The following ADGB variants were observed in gnomAD, a reference collection of about 807,000 sequenced individuals.
The protein encoded by ADGB is androglobin.
A neutral mutation model predicts 210.5 loss-of-function variants in ADGB; 172 were observed. The observed-to-expected ratio is 0.82, with a 90% CI of 0.72 to 0.93. The LOEUF (loss-of-function observed/expected upper bound fraction) is 0.93. ADGB is among the 40% of genes least tolerant of loss of function. The pLI is 0.00. For synonymous variants in ADGB, 658 were observed against 662.7 expected, an observed-to-expected ratio of 0.99 and a Z score of 0.11; for missense variants, 2,025 against 1,964.8, an observed-to-expected ratio of 1.03 and a Z score of -0.58.
At chr6:146,729,751 A>G (rs1776951479) in intron 20 of ADGB, among the ~76,000 whole-genome samples, 2 of 152,124 alleles carry the variant, frequency 1.3e-5, no homozygotes, top group South Asian at 4.1e-4. Flanking sequence ...CCAACATGGG[A>G]TACTTGTTAT....
chr6:146,645,736 G>A lies in ADGB; in HGVS notation c.330+871G>A, dbSNP rs554097191. Among the ~76,000 whole-genome samples the A allele has an allele frequency of 2.0e-5, 3 of 151,994 alleles. No individual in the cohort carries two copies. In the East Asian group the frequency reaches 5.8e-4, roughly 29 times the overall value. ...ATGATATGTCCACCATATTTTTCAA[G>A]TACTCTTACTAGTTGAGTAAATCAG... On this transcript the variant is annotated intron_variant, in intron 3 of 35. Coordinates refer to ENST00000397944, the MANE Select transcript of ADGB (RefSeq NM_024694.4).
At chr6:146,722,846 C>T (rs1459502919) in intron 17 of ADGB, among the ~76,000 whole-genome samples, 1 of 152,170 alleles carries the variant, frequency 6.6e-6, no homozygotes, top group African/African-American at 2.4e-5. Flanking sequence ...AATGGATAGA[C>T]AATCTCTGCT....
chr6:146,797,775 G>C (rs753976707), intron 33 of ADGB, among the ~76,000 whole-genome samples: 1 of 152,076 alleles, frequency 6.6e-6, no homozygotes, highest in Non-Finnish European at 1.5e-5. Flanking sequence ...AGGATAAGAG[G>C]AAGGTGAGGG....
rs946047713 is a variant in ADGB, at chr6:146,726,164, G to T, written c.2319G>T (p.Gly773=). 1.3e-6 allele frequency: 2 copies of T among 1,549,446 alleles called. No homozygotes were observed. Among genetic ancestry groups the T allele is most frequent in the African/African-American group, 1.4e-5 (1 of 72,982 alleles). Residue 773 remains glycine, a synonymous_variant, in exon 19 of 36, where the codon GGG becomes GGT. Transcript: ENST00000397944. ...HICSMVSFVI[G]DEHVVLPNFE... ...GCAGCATGGTGTCATTTGTCATTGG[G>T]GATGAACACGTTGTACTGCCCAACT...
intron 1 of ADGB, among the ~76,000 whole-genome samples, chr6:146,634,180 C>T (rs1178372519): frequency 2.0e-5 from 3 of 152,080 alleles, no homozygotes; most frequent in African/African-American, 7.2e-5. Flanking sequence ...GGTTTATAGC[C>T]TAGGAGCAAT....
chr6:146,753,011 C>T (rs549009160), intron 27 of ADGB, among the ~76,000 whole-genome samples: 12 of 151,720 alleles, frequency 7.9e-5, no homozygotes, highest in East Asian at 5.8e-4. Flanking sequence ...TTTTTAAATT[C>T]GTAATTCATT....
rs970883606 is a variant in ADGB, at chr6:146,635,446, C to T, written c.146C>T (p.Pro49Leu). The change falls in exon 2 of 36, where the codon CCA (proline) becomes CTA (leucine). Residue 49 changes from proline (P) to leucine (L), a missense_variant. Physicochemically the swap from Pro to Leu is moderately conservative, Grantham distance 98. Transcript: ENST00000397944. The stretch of plus-strand genomic sequence containing the variant: ...AAGAAGGGGAAATTCCCACTCTGGC[C>T]AGAGTGGAGTGAAGCTGACATAAAT... ...EQKKGKFPLW[P>L]EWSEADINSE... 5.8e-6 allele frequency: 9 copies of T among 1,547,638 alleles called. No homozygotes were observed. The highest frequency in any genetic ancestry group is 7.9e-6 in the Non-Finnish European group (9 of 1,144,886).
chr6:146,634,702 C>T (rs1189932618), intron 1 of ADGB, among the ~76,000 whole-genome samples: 1 of 151,808 alleles, frequency 6.6e-6, no homozygotes, highest in Non-Finnish European at 1.5e-5. Flanking sequence ...GAAGGCTCCT[C>T]ATTAAAATCT....
At chr6:146,788,953 A>G (rs1328223255) in intron 33 of ADGB, among the ~76,000 whole-genome samples, 1 of 152,212 alleles carries the variant, frequency 6.6e-6, no homozygotes, top group Non-Finnish European at 1.5e-5. Flanking sequence ...TATCTGTAGT[A>G]TGCTACAAGA....
At chr6:146,751,371 A>G (rs1371337873) in intron 26 of ADGB, among the ~76,000 whole-genome samples, 1 of 152,014 alleles carries the variant, frequency 6.6e-6, no homozygotes, top group African/African-American at 2.4e-5. Context: ...TTCTTTATCC[A>G]GTCTATCATT....
At chr6:146,685,877 G>A in intron 10 of ADGB, 49 bp downstream of exon 10, 1 of 1,170,070 alleles carries the variant, frequency 8.5e-7, no homozygotes, top group Non-Finnish European at 1.2e-6. Flanking sequence ...GTGTGTGTGG[G>A]TGCACGTGTG....
intron 1 of ADGB, among the ~76,000 whole-genome samples, chr6:146,624,488 G>C (rs914545478): frequency 6.6e-6 from 1 of 151,650 alleles, no homozygotes; most frequent in Non-Finnish European, 1.5e-5. Flanking sequence ...TCTGATGAAA[G>C]GTTGTTATAA....
At chr6:146,741,679 T>A (rs953893368) in intron 25 of ADGB, among the ~76,000 whole-genome samples, 1 of 152,136 alleles carries the variant, frequency 6.6e-6, no homozygotes, top group Non-Finnish European at 1.5e-5. Context: ...AAAATTGTAG[T>A]TACATAGCCA....
intron 7 of ADGB, among the ~76,000 whole-genome samples, chr6:146,668,590 G>T (rs1436608028): frequency 6.6e-6 from 1 of 152,040 alleles, no homozygotes; most frequent in African/African-American, 2.4e-5. Flanking sequence ...GAGAGAAAAT[G>T]AGATTTTAAA....
At position 146,656,989 on chromosome 6, in the gene ADGB, A is replaced by C; in HGVS notation, c.612+9A>C. The C allele has an allele frequency of 6.5e-7, 1 of 1,542,958 alleles. No homozygotes were observed. Among genetic ancestry groups the C allele is most frequent in the East Asian group, 2.4e-5 (1 of 40,854 alleles). On this transcript the variant is annotated intron_variant, in intron 5 of 35. Coordinates refer to ENST00000397944, the MANE Select transcript of ADGB (RefSeq NM_024694.4). ...TGAAACTTTACTGGATGGTAAGTCCATTTTCGTGTGCATAAAAACTCATGA... is the reference window on the plus strand; with the variant it reads ...TGAAACTTTACTGGATGGTAAGTCCCTTTTCGTGTGCATAAAAACTCATGA...
chr6:146,779,121 T>A (rs1369068985), intron 29 of ADGB, among the ~76,000 whole-genome samples: 1 of 149,116 alleles, frequency 6.7e-6, no homozygotes, highest in African/African-American at 2.5e-5. Context: ...CCAGAAGAAG[T>A]AAAATGGAGT....
intron 7 of ADGB, 139 bp from the exon 8 acceptor site, chr6:146,672,081 T>A: frequency 8.6e-7 from 1 of 1,160,112 alleles, no homozygotes; most frequent in South Asian, 1.8e-5. Context: ...ATAATGCTGT[T>A]CTTTTAACTA....
intron 3 of ADGB, among the ~76,000 whole-genome samples, chr6:146,650,482 C>T (rs1297147856): frequency 6.6e-6 from 1 of 150,912 alleles, no homozygotes; most frequent in Non-Finnish European, 1.5e-5. Context: ...CACAAACAAG[C>T]CACAATATGT....
intron 9 of ADGB, among the ~76,000 whole-genome samples, chr6:146,682,079 A>G (rs1417965467): frequency 6.6e-6 from 1 of 152,162 alleles, no homozygotes; most frequent in East Asian, 1.9e-4. Context: ...TAAATTAACT[A>G]AATATCACAT....
Sources: allele counts gnomAD v4.1 joint callset (sites outside exome capture counted in the v4.1 genomes callset), GRCh38; gene constraint gnomAD v4.1.1; transcripts MANE v1.5; gene names NCBI Gene and HGNC (gene_info 2026-07-23, HGNC 2026-07-21).